Variants in TMEM108 observed in about 807,000 individuals in gnomAD.
TMEM108 encodes the protein transmembrane protein 108, also known as cancer/testis antigen 124.
Under a neutral mutation model 35.1 loss-of-function variants are expected in TMEM108, and 12 were observed. The observed-to-expected ratio is 0.34, with a 90% CI of 0.22 to 0.55. The LOEUF (loss-of-function observed/expected upper bound fraction) is 0.55, where lower values mean the gene tolerates loss of function less well. Ranked by LOEUF, TMEM108 falls within the 20% of genes least tolerant of loss-of-function variation. The pLI is 0.89. For missense variants in TMEM108, 680 were observed against 753.3 expected (o/e 0.90, Z 1.14); for synonymous variants, 287 against 308.6 (o/e 0.93, Z 0.73).
At chr3:133,288,213 C>T (rs181078739) in intron 3 of TMEM108, among the ~76,000 whole-genome samples, 1 of 152,310 alleles carries the variant, frequency 6.6e-6, no homozygotes, top group East Asian at 1.9e-4. Context: ...CAACCTCCTG[C>T]CCTAAACTGA....
At chr3:133,288,166 C>T (rs984013626) in intron 3 of TMEM108, among the ~76,000 whole-genome samples, 10 of 152,232 alleles carry the variant, frequency 6.6e-5, no homozygotes, top group Admixed American at 6.5e-4. Flanking sequence ...ACCTTCCTCA[C>T]AATCAAATGT....
At chr3:133,206,863 G>A (rs146562449) in intron 2 of TMEM108, among the ~76,000 whole-genome samples, 1 of 152,322 alleles carries the variant, frequency 6.6e-6, no homozygotes, top group African/African-American at 2.4e-5. Context: ...TTCAGAGCTG[G>A]CATGTAGGAA....
intron 2 of TMEM108, among the ~76,000 whole-genome samples, chr3:133,101,592 G>A (rs1262848915): frequency 1.3e-5 from 2 of 152,178 alleles, no homozygotes; most frequent in Admixed American, 1.3e-4. Flanking sequence ...AAATATAGTA[G>A]AAGCCGTCTA....
chr3:133,214,888 A>G (rs1945883897), intron 2 of TMEM108, among the ~76,000 whole-genome samples: 1 of 152,060 alleles, frequency 6.6e-6, no homozygotes, highest in African/African-American at 2.4e-5. Context: ...ATAAGAATCT[A>G]ATGCCAGATG....
intron 2 of TMEM108, among the ~76,000 whole-genome samples, chr3:133,221,049 G>T (rs1199272513): frequency 6.6e-6 from 1 of 152,154 alleles, no homozygotes; most frequent in Non-Finnish European, 1.5e-5. Context: ...TGTGGAGTTG[G>T]GGTATACCAC....
chr3:133,049,864 A>C (rs1023344738), intron 2 of TMEM108, among the ~76,000 whole-genome samples: 1 of 152,118 alleles, frequency 6.6e-6, no homozygotes, highest in Non-Finnish European at 1.5e-5. Context: ...AGCTTGGCTC[A>C]AAAAAAGTGT....
rs571445676 is a variant in TMEM108, at chr3:133,101,294, A to G, written c.-47+55274A>G. Among the ~76,000 whole-genome samples, 295 of 152,338 alleles carry G rather than the reference A, an allele frequency of 1.9e-3. 2 individuals are homozygous for G. The highest frequency in any genetic ancestry group is 6.8e-3 in the African/African-American group (281 of 41,566). On this transcript the variant is annotated intron_variant, in intron 2 of 5. Transcript: ENST00000321871. ...CTGTGTGTATCAGGCGTTTTACTCT[A>G]CAAATGATGTTCCCTTCATCACCCC...
At chr3:133,153,441 A>G (rs1044258895) in intron 2 of TMEM108, among the ~76,000 whole-genome samples, 2 of 152,196 alleles carry the variant, frequency 1.3e-5, no homozygotes, top group Admixed American at 6.6e-5. Flanking sequence ...CAACATCCCT[A>G]TGAAATAAGT....
intron 2 of TMEM108, among the ~76,000 whole-genome samples, chr3:133,068,430 G>A (rs9809429): frequency 0.64 from 97,146 of 151,958 alleles, 31,758 homozygotes; most frequent in African/African-American, 0.78. Context: ...AGTTGTAAGA[G>A]GGCAGGTATG....
rs778096635 is a variant in TMEM108 at position 133,380,403 on chromosome 3, A to G, written c.692A>G (p.Glu231Gly). The change falls in exon 4 of 6, where the codon GAG becomes GGG. Residue 231 changes from glutamate to glycine, a missense_variant. By Grantham distance (98) the Glu-to-Gly change is moderately conservative. Coordinates refer to ENST00000321871, the MANE Select transcript of TMEM108 (RefSeq NM_023943.4). The surrounding 1 kb of genome is among the most constrained non-coding windows in gnomAD (Gnocchi z 5.3). ...AACTTCACAGGGTCTGTGGAACCGGAGCCCTCTACCCTCACCCCCAGGACC... is the reference window on the plus strand; with the variant it reads ...AACTTCACAGGGTCTGTGGAACCGGGGCCCTCTACCCTCACCCCCAGGACC... ...KGNFTGSVEP[E>G]PSTLTPRTPL... The G allele has an allele frequency of 6.2e-7, 1 of 1,613,610 alleles. No homozygotes were observed. The highest frequency in any genetic ancestry group is 1.1e-5 in the South Asian group (1 of 91,040).
At chr3:133,363,985 G>A (rs906824146) in intron 3 of TMEM108, among the ~76,000 whole-genome samples, 2 of 152,158 alleles carry the variant, frequency 1.3e-5, no homozygotes, top group African/African-American at 4.8e-5. Context: ...AATGTGGCTA[G>A]TGTCTACCAT....
At position 133,071,727 on chromosome 3, in the gene TMEM108, C is replaced by G. The variant is rs150005670; in HGVS notation, c.-47+25707C>G. ...GAGTTGTGGGAGTTCTTTCTGTGTT[C>G]TGGATATTACCCCTTTATCAGACAT... On this transcript the variant is annotated intron_variant, in intron 2 of 5. Transcript: ENST00000321871. Among the ~76,000 whole-genome samples the G allele has an allele frequency of 4.1e-3, 625 of 152,174 alleles. 1 individual carries two copies. The highest frequency in any genetic ancestry group is 7.1e-3 in the Admixed American group (109 of 15,270).
intron 3 of TMEM108, among the ~76,000 whole-genome samples, chr3:133,285,012 A>T (rs975338000): frequency 2.0e-5 from 3 of 151,100 alleles, no homozygotes; most frequent in African/African-American, 7.3e-5. Context: ...TTTGTTTTAT[A>T]ATTTCTTTTT....
intron 2 of TMEM108, among the ~76,000 whole-genome samples, chr3:133,205,970 A>G (rs1402589758): frequency 6.6e-6 from 1 of 152,104 alleles, no homozygotes; most frequent in Non-Finnish European, 1.5e-5. Context: ...ACATAGTCCC[A>G]TATTTGTTGG....
chr3:133,356,357 T>C (rs577365926), intron 3 of TMEM108, among the ~76,000 whole-genome samples: 2 of 152,226 alleles, frequency 1.3e-5, no homozygotes, highest in East Asian at 1.9e-4. Context: ...CCCATGCTCA[T>C]AGATGGGAAG....
At chr3:133,044,015 G>A (rs1011204050) in intron 1 of TMEM108, among the ~76,000 whole-genome samples, 1 of 152,142 alleles carries the variant, frequency 6.6e-6, no homozygotes, top group Non-Finnish European at 1.5e-5. Context: ...TTTGTGTCCT[G>A]TGACACCTTG....
At chr3:133,298,800 A>C (rs1191994599) in intron 3 of TMEM108, among the ~76,000 whole-genome samples, 2 of 152,166 alleles carry the variant, frequency 1.3e-5, no homozygotes, top group Non-Finnish European at 2.9e-5. Context: ...CCACTATGCT[A>C]TGCTGGCATT....
chr3:133,339,237 A>G (rs1000051906), intron 3 of TMEM108, among the ~76,000 whole-genome samples: 1 of 151,860 alleles, frequency 6.6e-6, no homozygotes. Context: ...ACCTATAAAG[A>G]CAAAAATAAA....
At chr3:133,223,050 T>C (rs1946015815) in intron 2 of TMEM108, among the ~76,000 whole-genome samples, 1 of 152,194 alleles carries the variant, frequency 6.6e-6, no homozygotes, top group Non-Finnish European at 1.5e-5. Context: ...TATACAATTA[T>C]TTGAATTCTT....
Sources: gnomAD v4.1 joint callset for allele counts (sites outside exome capture counted in the v4.1 genomes callset) on GRCh38, gnomAD v4.1.1 for gene constraint, Gnocchi (gnomAD v3.1) non-coding constraint, MANE v1.5 for transcripts, NCBI Gene and HGNC (gene_info 2026-07-23, HGNC 2026-07-21) for gene names.